Variants in FOXJ3 observed in about 807,000 individuals in gnomAD.
FOXJ3 encodes forkhead box J3, also known as forkhead box protein J3.
FOXJ3 carries 22 observed loss-of-function variants against 76.1 expected under a neutral mutation model. The observed-to-expected ratio is 0.29, with a 90% CI of 0.21 to 0.41. The LOEUF is 0.41. Ranked by LOEUF, FOXJ3 falls within the 10% of genes least tolerant of loss-of-function variation. The pLI, the probability that FOXJ3 is intolerant of heterozygous loss-of-function variation, is 1.00. For synonymous variants in FOXJ3, 269 were observed against 261.2 expected, an observed-to-expected ratio of 1.03 and a Z score of -0.29; for missense variants, 613 against 762.1, an observed-to-expected ratio of 0.80 and a Z score of 2.30.
chr1:42,309,531 C>G (rs1012342946), intron 2 of FOXJ3, among the ~76,000 whole-genome samples: 33 of 152,188 alleles, frequency 2.2e-4, no homozygotes, highest in African/African-American at 7.2e-4. Flanking sequence ...TATCATATCA[C>G]TAACAAATAC....
At chr1:42,260,983 C>A (rs1650988158) in intron 4 of FOXJ3, among the ~76,000 whole-genome samples, 1 of 152,146 alleles carries the variant, frequency 6.6e-6, no homozygotes, top group African/African-American at 2.4e-5. Context: ...AAACTAAGCC[C>A]TATAATCCTT....
chr1:42,255,514 A>G (rs1217384105), intron 4 of FOXJ3, among the ~76,000 whole-genome samples: 2 of 152,254 alleles, frequency 1.3e-5, no homozygotes, highest in African/African-American at 4.8e-5. Context: ...AAATACAAAG[A>G]CTAAGTGGTC....
intron 3 of FOXJ3, among the ~76,000 whole-genome samples, chr1:42,267,365 A>G (rs1651542316): frequency 6.6e-6 from 1 of 152,150 alleles, no homozygotes; most frequent in African/African-American, 2.4e-5. Flanking sequence ...ACAAATTAAC[A>G]GGAGCCCACT....
intron 1 of FOXJ3, among the ~76,000 whole-genome samples, chr1:42,314,322 C>T (rs1006339755): frequency 6.6e-6 from 1 of 152,190 alleles, no homozygotes. Context: ...GCCAACTCGG[C>T]TCACTGCAAC....
intron 5 of FOXJ3, among the ~76,000 whole-genome samples, chr1:42,224,886 A>C (rs1240444249): frequency 6.6e-6 from 1 of 151,846 alleles, no homozygotes; most frequent in Non-Finnish European, 1.5e-5. Context: ...CAGGAGTTTG[A>C]GACCAGCCTC....
At chr1:42,179,884 A>C in intron 12 of FOXJ3, 59 bp from the exon 13 acceptor site, 1 of 1,021,372 alleles carries the variant, frequency 9.8e-7, no homozygotes, top group Non-Finnish European at 1.6e-6. Context: ...TAAGAAATAA[A>C]CTAACCCCTA....
At chr1:42,311,321 A>AT (rs1421166211) in intron 1 of FOXJ3, among the ~76,000 whole-genome samples, 1 of 152,246 alleles carries the variant, frequency 6.6e-6, no homozygotes, top group Non-Finnish European at 1.5e-5. Context: ...ACAGACAGAC[A>AT]TATCAGGAAG....
At chr1:42,237,745 T>G (rs1569998449) in intron 4 of FOXJ3, among the ~76,000 whole-genome samples, 1 of 152,022 alleles carries the variant, frequency 6.6e-6, no homozygotes, top group Non-Finnish European at 1.5e-5. Context: ...TCCGGAAGTT[T>G]TATAGTCTTA....
At chr1:42,215,018 A>G (rs902181792) in intron 5 of FOXJ3, among the ~76,000 whole-genome samples, 1 of 152,250 alleles carries the variant, frequency 6.6e-6, no homozygotes, top group Non-Finnish European at 1.5e-5. Flanking sequence ...ACAGATATCA[A>G]TATTCTATAG....
chr1:42,255,013 C>G (rs1650466036), intron 4 of FOXJ3, among the ~76,000 whole-genome samples: 1 of 150,100 alleles, frequency 6.7e-6, no homozygotes. Context: ...CAGATGGAAA[C>G]TTAGATTTCT....
chr1:42,301,841 G>A (rs1302408518), intron 2 of FOXJ3, among the ~76,000 whole-genome samples: 2 of 152,056 alleles, frequency 1.3e-5, no homozygotes, highest in South Asian at 4.1e-4. Context: ...CATCGCTGAA[G>A]AGTTAGTGTG....
At chr1:42,280,342 T>C in intron 2 of FOXJ3, 6 of 980,800 alleles carry the variant, frequency 6.1e-6, no homozygotes, top group Non-Finnish European at 7.2e-6. Context: ...TCCATAATTT[T>C]ACCTTACTCA....
intron 5 of FOXJ3, among the ~76,000 whole-genome samples, chr1:42,210,498 T>A (rs1646947200): frequency 6.6e-6 from 1 of 152,056 alleles, no homozygotes; most frequent in Non-Finnish European, 1.5e-5. Flanking sequence ...CATTACAACA[T>A]CTGCAGGGAC....
intron 5 of FOXJ3, among the ~76,000 whole-genome samples, chr1:42,222,563 C>T (rs969654258): frequency 1.3e-5 from 2 of 152,182 alleles, no homozygotes; most frequent in African/African-American, 2.4e-5. Flanking sequence ...GCTTAGAATA[C>T]AAAAGGTGTG....
intron 5 of FOXJ3, among the ~76,000 whole-genome samples, chr1:42,213,237 T>C (rs887737271): frequency 3.9e-5 from 6 of 152,102 alleles, no homozygotes; most frequent in Non-Finnish European, 5.9e-5. Flanking sequence ...AATATTAATG[T>C]TGAATGTACA....
chr1:42,221,691 G>A (rs1397094350), intron 5 of FOXJ3, among the ~76,000 whole-genome samples: 7 of 151,498 alleles, frequency 4.6e-5, no homozygotes, highest in Admixed American at 1.3e-4. Context: ...AAAGTACTGC[G>A]ATTACAGGCA....
intron 7 of FOXJ3, among the ~76,000 whole-genome samples, chr1:42,197,297 G>A (rs903444984): frequency 6.6e-6 from 1 of 151,974 alleles, no homozygotes; most frequent in Non-Finnish European, 1.5e-5. Flanking sequence ...CTTAAGCCAG[G>A]AGTTCGAGAC....
At chr1:42,307,655 T>C (rs1412788048) in intron 2 of FOXJ3, among the ~76,000 whole-genome samples, 1 of 152,206 alleles carries the variant, frequency 6.6e-6, no homozygotes, top group African/African-American at 2.4e-5. Context: ...CAATTCTACC[T>C]ATACCAGCAA....
intron 2 of FOXJ3, among the ~76,000 whole-genome samples, chr1:42,305,040 G>GTA (rs1488374152): frequency 6.6e-6 from 1 of 152,064 alleles, no homozygotes; most frequent in Admixed American, 6.6e-5. Flanking sequence ...TCAAATAACT[G>GTA]TATAGGAGAA....
Sources: allele counts gnomAD v4.1 joint callset (sites outside exome capture counted in the v4.1 genomes callset), GRCh38; gene constraint gnomAD v4.1.1; transcripts MANE v1.5; gene names NCBI Gene and HGNC (gene_info 2026-07-23, HGNC 2026-07-21).